Variants in SLC44A5 observed in about 807,000 individuals in gnomAD.
SLC44A5 encodes solute carrier family 44 member 5.
A neutral mutation model predicts 101.8 loss-of-function variants in SLC44A5; 57 were observed. The ratio of observed to expected loss-of-function variants is 0.56; its 90% confidence interval spans 0.45 to 0.70. The LOEUF is 0.70. Among genes scored for constraint, SLC44A5 ranks in the 30% least tolerant of loss-of-function variants. The pLI is 0.00. For missense variants in SLC44A5, 737 were observed against 853.1 expected, an observed-to-expected ratio of 0.86 and a Z score of 1.70; for synonymous variants, 281 against 290.9, an observed-to-expected ratio of 0.97 and a Z score of 0.35.
chr1:75,678,782 G>A, the SLC44A5 span, among the ~76,000 whole-genome samples: 6,701 of 152,172 alleles, frequency 0.044, 202 homozygotes, highest in African/African-American at 0.092. Flanking sequence ...GACGAGCTGA[G>A]AGAAGAAGGC....
intron 1 of SLC44A5, among the ~76,000 whole-genome samples, chr1:75,602,287 A>C (rs1368015241): frequency 6.6e-6 from 1 of 152,184 alleles, no homozygotes; most frequent in East Asian, 1.9e-4. Context: ...TGGTCTTAGA[A>C]TTAGTCAAGT....
intron 4 of SLC44A5, among the ~76,000 whole-genome samples, chr1:75,309,232 C>G (rs1321374340): frequency 1.3e-5 from 2 of 152,216 alleles, no homozygotes; most frequent in Admixed American, 1.3e-4. Context: ...TTACTTAAAG[C>G]TAGGAGTTTG....
chr1:75,557,788 C>A (rs540428816), intron 1 of SLC44A5, among the ~76,000 whole-genome samples: 1 of 152,056 alleles, frequency 6.6e-6, no homozygotes, highest in South Asian at 2.1e-4. Context: ...GCTCAATGAT[C>A]CAATAGATAG....
Position 75,378,986 on chromosome 1 carries a change from T to C in SLC44A5, c.52+17597A>G, listed in dbSNP as rs1252050069. Among the ~76,000 whole-genome samples, 2 of 79,744 alleles carry C rather than the reference T, an allele frequency of 2.5e-5. 1 individual carries two copies. The highest frequency in any genetic ancestry group is 1.7e-4 in the African/African-American group (2 of 11,494). 52.3% of individuals were successfully genotyped at this position (79,744 alleles called of 152,430 possible). A position where few individuals can be genotyped will look rare whatever the true frequency, so the allele number is the denominator to read the frequency against. ...ACCACCTAGTAGACAGGGTAGTGAA[T>C]TACATGAAATTATTGATAAATCAAG... On this transcript the variant is annotated intron_variant, in intron 3 of 23. Transcript: ENST00000370859.
the SLC44A5 span, among the ~76,000 whole-genome samples, chr1:75,666,362 C>T: frequency 1.3e-5 from 2 of 152,108 alleles, no homozygotes; most frequent in African/African-American, 2.4e-5. Context: ...CATACACCCT[C>T]CCAAATTCAG....
chr1:75,518,276 G>A (rs1266151878), intron 2 of SLC44A5, among the ~76,000 whole-genome samples: 1 of 152,110 alleles, frequency 6.6e-6, no homozygotes, highest in Non-Finnish European at 1.5e-5. Context: ...ACTAATAAAT[G>A]AGAGAATATT....
At chr1:75,507,551 G>A (rs907181013) in intron 2 of SLC44A5, among the ~76,000 whole-genome samples, 6 of 152,050 alleles carry the variant, frequency 3.9e-5, no homozygotes, top group Admixed American at 1.3e-4. Flanking sequence ...GTACTATGGC[G>A]AGGCTGGCTT....
intron 2 of SLC44A5, among the ~76,000 whole-genome samples, chr1:75,433,551 G>C (rs1334279584): frequency 6.6e-6 from 1 of 152,022 alleles, no homozygotes; most frequent in Non-Finnish European, 1.5e-5. Context: ...ATTCCAATGG[G>C]AGATCTCACC....
chr1:75,440,900 A>G (rs1259333229), intron 2 of SLC44A5, among the ~76,000 whole-genome samples: 1 of 151,664 alleles, frequency 6.6e-6, no homozygotes, highest in Non-Finnish European at 1.5e-5. Context: ...GCAGGCAATG[A>G]TATTGGGAGG....
At chr1:75,694,406 C>T in the SLC44A5 span, among the ~76,000 whole-genome samples, 1 of 152,080 alleles carries the variant, frequency 6.6e-6, no homozygotes, top group East Asian at 1.9e-4. Flanking sequence ...GCCATTGGTA[C>T]ATGTTAATTT....
rs566219069 is a variant in SLC44A5 at position 75,283,581 on chromosome 1, T to A, written c.176-8539A>T. Among the ~76,000 whole-genome samples, 106 of 152,324 alleles carry A rather than the reference T, an allele frequency of 7.0e-4. 1 individual carries two copies. Among genetic ancestry groups the A allele is most frequent in the Middle Eastern group, 3.4e-3 (1 of 294 alleles). ...CATGAACTTTTTGTCTAAGCCAATGTCCAGAAGAGTTTTTCTGATGTTATA... is the reference window on the plus strand; with the variant it reads ...CATGAACTTTTTGTCTAAGCCAATGACCAGAAGAGTTTTTCTGATGTTATA... On this transcript the variant is annotated intron_variant, in intron 5 of 23. Transcript: ENST00000370859.
chr1:75,482,693 C>G (rs539018565), intron 2 of SLC44A5, among the ~76,000 whole-genome samples: 43 of 152,198 alleles, frequency 2.8e-4, no homozygotes, highest in Non-Finnish European at 5.7e-4. Context: ...ACTTTAATAG[C>G]AATCTGTTAT....
At chr1:75,644,452 A>T in the SLC44A5 span, among the ~76,000 whole-genome samples, 1 of 152,126 alleles carries the variant, frequency 6.6e-6, no homozygotes, top group East Asian at 1.9e-4. Flanking sequence ...ACAAAAGTTC[A>T]CCTCTAAAAA....
chr1:75,315,897 T>C (rs1334014087), intron 4 of SLC44A5, among the ~76,000 whole-genome samples: 1 of 152,176 alleles, frequency 6.6e-6, no homozygotes, highest in Non-Finnish European at 1.5e-5. Flanking sequence ...TTTAGTTGTC[T>C]GACAAGCCCT....
At chr1:75,595,759 C>G (rs1330064536) in intron 1 of SLC44A5, among the ~76,000 whole-genome samples, 1 of 151,980 alleles carries the variant, frequency 6.6e-6, no homozygotes, top group Non-Finnish European at 1.5e-5. Flanking sequence ...TGCTAGGCAC[C>G]AATAGAAAGA....
intron 1 of SLC44A5, among the ~76,000 whole-genome samples, chr1:75,566,909 T>C (rs1672811679): frequency 6.6e-6 from 1 of 152,176 alleles, no homozygotes; most frequent in Non-Finnish European, 1.5e-5. Context: ...CAAAAAGAGG[T>C]TAATCAACCT....
intron 1 of SLC44A5, among the ~76,000 whole-genome samples, chr1:75,587,116 A>T (rs1405648339): frequency 6.6e-6 from 1 of 152,124 alleles, no homozygotes; most frequent in East Asian, 1.9e-4. Context: ...AAAGTCAAGG[A>T]TGCTGCTAAA....
At chr1:75,507,036 G>C (rs1380496044) in intron 2 of SLC44A5, among the ~76,000 whole-genome samples, 1 of 145,502 alleles carries the variant, frequency 6.9e-6, no homozygotes, top group Non-Finnish European at 1.5e-5. Context: ...AACCTTCCAA[G>C]TAGAATGGAA....
At chr1:75,662,095 T>C in the SLC44A5 span, among the ~76,000 whole-genome samples, 2 of 152,120 alleles carry the variant, frequency 1.3e-5, no homozygotes, top group African/African-American at 4.8e-5. Context: ...GGAATCAACC[T>C]AAGTGTCCAT....
Sources: gnomAD v4.1 joint callset for allele counts (sites outside exome capture counted in the v4.1 genomes callset) on GRCh38, gnomAD v4.1.1 for gene constraint, MANE v1.5 for transcripts, NCBI Gene and HGNC (gene_info 2026-07-23, HGNC 2026-07-21) for gene names.